DIAPH2: variants seen among roughly 807,000 people sequenced by gnomAD.
DIAPH2 encodes protein diaphanous homolog 2.
Under a neutral mutation model 92.7 loss-of-function variants are expected in DIAPH2, and 35 were observed. The ratio of observed to expected loss-of-function variants is 0.38; its 90% CI spans 0.29 to 0.50. DIAPH2 has a LOEUF of 0.50. Ranked by LOEUF, DIAPH2 falls within the 20% of genes least tolerant of loss-of-function variation. The pLI, the probability that DIAPH2 is intolerant of heterozygous loss-of-function variation, is 0.94. For synonymous variants in DIAPH2, 301 were observed against 280.4 expected (o/e 1.07, Z -0.73); for missense variants, 701 against 819.5 (o/e 0.86, Z 1.77).
intron 4 of DIAPH2, among the ~76,000 whole-genome samples, chrX:96,773,381 G>T (rs2064353645): frequency 9.1e-6 from 1 of 110,190 alleles, no homozygotes; most frequent in African/African-American, 3.3e-5. Flanking sequence ...AGTCTGACTG[G>T]TGTCCTGGTA....
chrX:96,909,751 G>A (rs923984215), intron 5 of DIAPH2, among the ~76,000 whole-genome samples: 2 of 110,784 alleles, frequency 1.8e-5, no homozygotes, highest in African/African-American at 6.6e-5. Context: ...TTGTATGATT[G>A]TATCTTATTT....
chrX:96,789,685 C>T (rs1246342527), intron 4 of DIAPH2, among the ~76,000 whole-genome samples: 5 of 111,639 alleles, frequency 4.5e-5, no homozygotes, highest in Admixed American at 2.9e-4. Flanking sequence ...AGTGCCTGTT[C>T]GTCGACTTGC....
chrX:96,949,329 G>T (rs1569433169), intron 15 of DIAPH2, among the ~76,000 whole-genome samples: 1 of 110,342 alleles, frequency 9.1e-6, no homozygotes, highest in Non-Finnish European at 1.9e-5. Context: ...TGAAAAATTG[G>T]GTACATGCTA....
intron 4 of DIAPH2, among the ~76,000 whole-genome samples, chrX:96,865,172 T>C (rs1441039533): frequency 8.9e-6 from 1 of 112,238 alleles, no homozygotes; most frequent in Non-Finnish European, 1.9e-5. Flanking sequence ...TCCAAAAGAC[T>C]AAAACATTGA....
At chrX:97,120,620 T>C (rs1473604812) in intron 21 of DIAPH2, among the ~76,000 whole-genome samples, 1 of 99,774 alleles carries the variant, frequency 1.0e-5, no homozygotes, top group Non-Finnish European at 2.0e-5. Flanking sequence ...GTGGGTTTTT[T>C]TTTTTTTTTT....
At chrX:96,783,411 G>T (rs956225391) in intron 4 of DIAPH2, among the ~76,000 whole-genome samples, 1 of 112,361 alleles carries the variant, frequency 8.9e-6, no homozygotes, top group African/African-American at 3.2e-5. Flanking sequence ...GAACATGATC[G>T]TTCATAGTGG....
chrX:97,279,828 G>A (rs771929636), intron 23 of DIAPH2, among the ~76,000 whole-genome samples: 1 of 111,154 alleles, frequency 9.0e-6, no homozygotes, highest in Non-Finnish European at 1.9e-5. Context: ...TTCAGTTTCC[G>A]GGCAGGCTGC....
chrX:96,981,791 C>G (rs769908038), intron 17 of DIAPH2, among the ~76,000 whole-genome samples: 1 of 110,845 alleles, frequency 9.0e-6, no homozygotes, highest in Admixed American at 9.5e-5. Flanking sequence ...CTTTTAAACA[C>G]TACTGGATCA....
chrX:96,976,419 G>A (rs1225163614), intron 17 of DIAPH2, among the ~76,000 whole-genome samples: 1 of 110,849 alleles, frequency 9.0e-6, no homozygotes, highest in Non-Finnish European at 1.9e-5. Context: ...ACTGTGTCCA[G>A]CCCATAATTT....
chrX:97,209,499 T>G (rs751509658), intron 22 of DIAPH2, among the ~76,000 whole-genome samples: 1 of 111,597 alleles, frequency 9.0e-6, no homozygotes, highest in Non-Finnish European at 1.9e-5. Context: ...ATGAAAAATA[T>G]TTTCCTTTTT....
At chrX:96,997,821 A>G (rs1229536124) in intron 17 of DIAPH2, among the ~76,000 whole-genome samples, 2 of 112,159 alleles carry the variant, frequency 1.8e-5, no homozygotes, top group Non-Finnish European at 3.8e-5. Flanking sequence ...TCATTTCATC[A>G]GATGATTGTG....
At chrX:97,324,397 C>G (rs749798836) in intron 23 of DIAPH2, among the ~76,000 whole-genome samples, 1 of 112,310 alleles carries the variant, frequency 8.9e-6, no homozygotes, top group South Asian at 3.7e-4. Flanking sequence ...TGGAAAGCAT[C>G]GTAAGATCAG....
At chrX:96,856,138 G>A (rs1203208171) in intron 4 of DIAPH2, among the ~76,000 whole-genome samples, 2 of 111,646 alleles carry the variant, frequency 1.8e-5, no homozygotes, top group Non-Finnish European at 3.8e-5. Context: ...CTCAAAACAC[G>A]AAAGATGTTT....
chrX:97,088,479 G>A (rs1043020560), intron 19 of DIAPH2, among the ~76,000 whole-genome samples: 8 of 111,889 alleles, frequency 7.1e-5, no homozygotes, highest in African/African-American at 1.6e-4. Context: ...ACTTGTTTTC[G>A]AATCAGATGC....
intron 26 of DIAPH2, among the ~76,000 whole-genome samples, chrX:97,585,126 T>TAGTC (rs1175769032): frequency 8.9e-6 from 1 of 111,849 alleles, no homozygotes; most frequent in East Asian, 2.8e-4. Flanking sequence ...ATCAGTACAC[T>TAGTC]AGTCACTCAT....
intron 5 of DIAPH2, among the ~76,000 whole-genome samples, chrX:96,894,723 G>T (rs1360878584): frequency 9.0e-6 from 1 of 110,883 alleles, no homozygotes; most frequent in African/African-American, 3.3e-5. Flanking sequence ...AAGGAGATGG[G>T]TTATTATGTG....
At chrX:97,275,328 C>CA (rs1569348148) in intron 23 of DIAPH2, among the ~76,000 whole-genome samples, 13 of 4,552 alleles carry the variant, frequency 2.9e-3, no homozygotes, top group Non-Finnish European at 0.012. Flanking sequence ...GCTGTCCCCC[C>CA]GCCCACCTCC....
chrX:97,222,290 C>T (rs184097976), intron 22 of DIAPH2, among the ~76,000 whole-genome samples: 6 of 111,264 alleles, frequency 5.4e-5, no homozygotes, highest in South Asian at 7.7e-4. Context: ...CTGCAACCTC[C>T]GCCTCCCAGG....
At chrX:97,371,063 A>G (rs1044628006) in intron 24 of DIAPH2, among the ~76,000 whole-genome samples, 1 of 111,969 alleles carries the variant, frequency 8.9e-6, no homozygotes, top group African/African-American at 3.2e-5. Flanking sequence ...CTCTTAGAGT[A>G]TTGTTTCCAG....
Sources: allele counts gnomAD v4.1 joint callset (sites outside exome capture counted in the v4.1 genomes callset), GRCh38; gene constraint gnomAD v4.1.1; transcripts MANE v1.5; gene names NCBI Gene and HGNC (gene_info 2026-07-23, HGNC 2026-07-21).